Variants in OBI1 observed in about 807,000 individuals in gnomAD.
OBI1 encodes the protein ring finger protein 219.
Under a neutral mutation model 62.4 loss-of-function variants are expected in OBI1, and 59 were observed. The observed-to-expected ratio is 0.95, with a 90% CI of 0.77 to 1.17. The LOEUF (loss-of-function observed/expected upper bound fraction) is 1.17. Ranked by LOEUF, OBI1 falls within the 50% of genes most tolerant of loss-of-function variation. The probability of loss-of-function intolerance (pLI) is 0.00; values close to 1 mark genes in which losing one functional copy is unlikely to be tolerated. For synonymous variants in OBI1, 302 were observed against 292.8 expected, an observed-to-expected ratio of 1.03 and a Z score of -0.32; for missense variants, 875 against 830.9, an observed-to-expected ratio of 1.05 and a Z score of -0.65.
At chr13:78,618,108 C>A (rs1875378191) in intron 5 of OBI1, among the ~76,000 whole-genome samples, 6 of 152,094 alleles carry the variant, frequency 3.9e-5, no homozygotes, top group Admixed American at 3.9e-4. Flanking sequence ...TCAATCTTAT[C>A]ACCAAAAATA....
Position 78,620,631 on chromosome 13 carries a change from G to A in OBI1, c.639-3509C>T, listed in dbSNP as rs1299111533. Reference sequence around the variant, plus strand: ...CATTCTGGATGAGAGAGAAAAGGATGCCAGTTCCCCTTGTCCAAATAGCTC... The same window carrying A: ...CATTCTGGATGAGAGAGAAAAGGATACCAGTTCCCCTTGTCCAAATAGCTC... On this transcript the variant is annotated intron_variant, in intron 5 of 5. Coordinates refer to ENST00000282003, the MANE Select transcript of OBI1 (RefSeq NM_024546.4). The A allele has an allele frequency of 6.6e-6, 3 of 456,572 alleles. No homozygotes were observed. The Admixed American group carries it at 7.0e-5, about 11-fold the overall frequency. The allele number at this position is 456,572 out of a possible 1,614,324, so 28.3% of individuals were successfully genotyped here.
intron 5 of OBI1, among the ~76,000 whole-genome samples, chr13:78,627,407 T>C (rs550218010): frequency 4.3e-4 from 64 of 147,252 alleles, no homozygotes; most frequent in African/African-American, 1.6e-3. Context: ...TACTGACCCA[T>C]CCTCTAAATT....
At chr13:78,653,767 C>T (rs1013966115) in intron 1 of OBI1, among the ~76,000 whole-genome samples, 1 of 152,290 alleles carries the variant, frequency 6.6e-6, no homozygotes, top group African/African-American at 2.4e-5. Context: ...CCTCCCCTCA[C>T]TAGAGACAAG....
At chr13:78,631,242 G>C (rs1004735955) in intron 5 of OBI1, among the ~76,000 whole-genome samples, 1 of 152,126 alleles carries the variant, frequency 6.6e-6, no homozygotes, top group Admixed American at 6.5e-5. Flanking sequence ...GGTTGCAATA[G>C]TGACTACATA....
At chr13:78,639,151 G>A (rs957008372) in intron 3 of OBI1, 80 bp from the exon 4 acceptor site, 15 of 1,422,728 alleles carry the variant, frequency 1.1e-5, no homozygotes, top group Middle Eastern at 1.9e-4. Context: ...AGCCAACATG[G>A]TTTGAATTTT....
chr13:78,635,699 A>G (rs1056015005), intron 4 of OBI1, among the ~76,000 whole-genome samples: 2 of 152,172 alleles, frequency 1.3e-5, no homozygotes, highest in African/African-American at 4.8e-5. Context: ...AGGCTTTTCC[A>G]ACGTTCTGGC....
chr13:78,632,250 C>A (rs1250406964), intron 5 of OBI1, among the ~76,000 whole-genome samples: 3 of 152,208 alleles, frequency 2.0e-5, no homozygotes, highest in Middle Eastern at 3.4e-3. Flanking sequence ...AGAAGGTAAC[C>A]ATCTGCAAGC....
At chr13:78,644,372 T>G (rs1475984127) in intron 2 of OBI1, among the ~76,000 whole-genome samples, 1 of 152,230 alleles carries the variant, frequency 6.6e-6, no homozygotes, top group Non-Finnish European at 1.5e-5. Flanking sequence ...GGACCCAAAG[T>G]AGACTACTGA....
At chr13:78,638,000 G>A (rs999804936) in intron 4 of OBI1, among the ~76,000 whole-genome samples, 22 of 152,138 alleles carry the variant, frequency 1.4e-4, no homozygotes, top group Admixed American at 4.6e-4. Flanking sequence ...ATTTCACACA[G>A]GAATAGTATT....
At chr13:78,658,563 G>T (rs1466933688) in intron 1 of OBI1, among the ~76,000 whole-genome samples, 7 of 152,176 alleles carry the variant, frequency 4.6e-5, no homozygotes, top group Admixed American at 1.3e-4. Flanking sequence ...AAGGCAAAAG[G>T]TCTTGGAAAT....
chr13:78,632,027 C>T (rs1875867115), intron 5 of OBI1, among the ~76,000 whole-genome samples: 1 of 152,092 alleles, frequency 6.6e-6, no homozygotes, highest in African/African-American at 2.4e-5. Flanking sequence ...TCTGTTGGAG[C>T]ATCTTAGAAA....
chr13:78,618,931 T>C (rs1039747756), intron 5 of OBI1, among the ~76,000 whole-genome samples: 30 of 152,204 alleles, frequency 2.0e-4, no homozygotes, highest in African/African-American at 7.0e-4. Flanking sequence ...TAAGTACAAA[T>C]GTTTGTTAGT....
intron 3 of OBI1, among the ~76,000 whole-genome samples, chr13:78,640,027 C>CA (rs1876164211): frequency 6.6e-6 from 1 of 151,612 alleles, no homozygotes; most frequent in Non-Finnish European, 1.5e-5. Flanking sequence ...CAAAACAAAA[C>CA]AAACAAACAA....
chr13:78,641,710 A>G (rs566039142), intron 3 of OBI1, among the ~76,000 whole-genome samples: 1 of 152,256 alleles, frequency 6.6e-6, no homozygotes, highest in South Asian at 2.1e-4. Flanking sequence ...GTAACTTCAT[A>G]GGCAGAAGCA....
At chr13:78,623,449 T>C (rs1316343524) in intron 5 of OBI1, among the ~76,000 whole-genome samples, 1 of 152,118 alleles carries the variant, frequency 6.6e-6, no homozygotes, top group Non-Finnish European at 1.5e-5. Context: ...ATGCTTGATA[T>C]ATATTATCTC....
Position 78,615,716 on chromosome 13 carries a change from A to C in OBI1, c.2045T>G (p.Leu682Arg), listed in dbSNP as rs1005336163. 6 of 1,614,126 alleles carry C rather than the reference A, an allele frequency of 3.7e-6. No individual in the cohort carries two copies. The highest frequency in any genetic ancestry group is 5.1e-6 in the Non-Finnish European group (6 of 1,179,994). ...CCAAGGAGACTGAAGGTGGTTATGAAGACTGTGCATCTCTGAGGACATCTT... is the reference window on the plus strand; with the variant it reads ...CCAAGGAGACTGAAGGTGGTTATGACGACTGTGCATCTCTGAGGACATCTT... ...LFKMSSEMHS[L>R]HNHLQSPWST... The change falls in exon 6 of 6, where the codon CTT becomes CGT. Residue 682 changes from leucine to arginine, a missense_variant. Coordinates refer to ENST00000282003, the MANE Select transcript of OBI1 (RefSeq NM_024546.4).
rs536658147 is a variant in OBI1 at position 78,658,988 on chromosome 13, C to T, written c.72+61G>A. 11 of 1,485,198 alleles carry T rather than the reference C, an allele frequency of 7.4e-6. No individual in the cohort carries two copies. In the East Asian group the frequency reaches 9.2e-5, roughly 12 times the overall value. 92.0% of individuals were successfully genotyped at this position (1,485,198 alleles called of 1,614,324 possible). The stretch of plus-strand genomic sequence containing the variant: ...CCCCGCCCCCGCACGAGACGGCCCT[C>T]GGCCCCGGCGAGCGACTTATCCAAC... On this transcript the variant is annotated intron_variant, in intron 1 of 5. Transcript: ENST00000282003.
At chr13:78,654,997 CATAGTCGAATGAGAA>C (rs1384777701) in intron 1 of OBI1, among the ~76,000 whole-genome samples, 3 of 152,192 alleles carry the variant, frequency 2.0e-5, no homozygotes, top group African/African-American at 7.2e-5. Flanking sequence ...AAACTGGACT[CATAGTCGAATGAGAA>C]ATAACTGAAT....
At chr13:78,634,191 A>C (rs923541261) in intron 5 of OBI1, among the ~76,000 whole-genome samples, 1 of 152,164 alleles carries the variant, frequency 6.6e-6, no homozygotes, top group African/African-American at 2.4e-5. Context: ...ATCAGCAAAA[A>C]ATTCAATGAA....
Sources: allele counts gnomAD v4.1 joint callset (sites outside exome capture counted in the v4.1 genomes callset), GRCh38; gene constraint gnomAD v4.1.1; transcripts MANE v1.5; gene names NCBI Gene and HGNC (gene_info 2026-07-23, HGNC 2026-07-21).